The following ANO3 variants were observed in gnomAD, a reference collection of about 807,000 sequenced individuals.
ANO3 encodes the protein anoctamin 3.
A neutral mutation model predicts 144.8 loss-of-function variants in ANO3; 99 were observed. The observed-to-expected ratio is 0.68, with a 90% confidence interval of 0.58 to 0.81. The LOEUF is 0.81. ANO3 is among the 30% of genes least tolerant of loss of function. The pLI is 0.00. For missense variants in ANO3, 905 were observed against 1,202.2 expected (o/e 0.75, Z 3.66); for synonymous variants, 414 against 392.6 (o/e 1.05, Z -0.64).
At chr11:26,445,676 G>A (rs1202304173) in intron 3 of ANO3, among the ~76,000 whole-genome samples, 4 of 151,860 alleles carry the variant, frequency 2.6e-5, no homozygotes, top group Non-Finnish European at 5.9e-5. Flanking sequence ...ATGATGAGGT[G>A]TTTGCCTTTA....
intron 19 of ANO3, 61 bp downstream of exon 19, chr11:26,634,376 G>T: frequency 9.3e-7 from 1 of 1,078,048 alleles, no homozygotes; most frequent in South Asian, 1.4e-5. Context: ...TAGTTTAATT[G>T]ACGATTACTG....
At chr11:26,636,936 C>T (rs778324671) in intron 20 of ANO3, among the ~76,000 whole-genome samples, 2 of 152,118 alleles carry the variant, frequency 1.3e-5, no homozygotes, top group Non-Finnish European at 2.9e-5. Context: ...GCCAGGTTCT[C>T]ACAAGGAGTA....
chr11:26,349,854 T>C (rs1855594276), intron 1 of ANO3, among the ~76,000 whole-genome samples: 1 of 152,090 alleles, frequency 6.6e-6, no homozygotes, highest in Non-Finnish European at 1.5e-5. Context: ...GGCCGAGAAT[T>C]GTTTTAAAGG....
intron 8 of ANO3, 143 bp downstream of exon 8, chr11:26,531,479 A>G (rs1849369884): frequency 1.1e-6 from 1 of 938,734 alleles, no homozygotes; most frequent in Non-Finnish European, 1.5e-6. Context: ...CACTTAACTT[A>G]TAAACAACAC....
chr11:26,569,366 A>G (rs1234578186), intron 14 of ANO3, among the ~76,000 whole-genome samples: 2 of 152,138 alleles, frequency 1.3e-5, no homozygotes, highest in Non-Finnish European at 2.9e-5. Flanking sequence ...TCAGAAATTT[A>G]TACACTACAG....
chr11:26,209,659 C>A (rs953665360), intron 1 of ANO3, among the ~76,000 whole-genome samples: 6 of 152,134 alleles, frequency 3.9e-5, no homozygotes, highest in Admixed American at 2.0e-4. Flanking sequence ...TCTGTTTATT[C>A]CTGACTTTTG....
chr11:26,224,385 T>C (rs1337684992), intron 1 of ANO3, among the ~76,000 whole-genome samples: 1 of 152,236 alleles, frequency 6.6e-6, no homozygotes, highest in Admixed American at 6.5e-5. Context: ...TAGGCAGCTA[T>C]AGCAGGGAAT....
chr11:26,610,366 A>C (rs1456388116), intron 17 of ANO3, among the ~76,000 whole-genome samples: 1 of 144,512 alleles, frequency 6.9e-6, no homozygotes, highest in Non-Finnish European at 1.5e-5. Flanking sequence ...TTTTTTGAGA[A>C]CTGCCTATTA....
At chr11:26,481,605 A>G (rs1860220167) in intron 4 of ANO3, among the ~76,000 whole-genome samples, 2 of 152,240 alleles carry the variant, frequency 1.3e-5, no homozygotes, top group Admixed American at 6.5e-5. Flanking sequence ...ATGTGTTTCA[A>G]GGAGCTTGAT....
intron 1 of ANO3, among the ~76,000 whole-genome samples, chr11:26,225,882 A>G (rs1412153409): frequency 6.6e-6 from 1 of 152,148 alleles, no homozygotes; most frequent in African/African-American, 2.4e-5. Flanking sequence ...ATTTCACACA[A>G]CAGATGGTAG....
At chr11:26,391,722 C>T (rs1265385469) in intron 1 of ANO3, among the ~76,000 whole-genome samples, 1 of 151,960 alleles carries the variant, frequency 6.6e-6, no homozygotes, top group East Asian at 1.9e-4. Flanking sequence ...TCTTTTGGCT[C>T]CTGGCTACTT....
Position 26,537,408 on chromosome 11 carries a change from A to G in ANO3, c.979A>G (p.Ile327Val), listed in dbSNP as rs1221634614. ...KYENGISKVGIRKLINNGSYI... is the reference protein window; with the variant it reads ...KYENGISKVGVRKLINNGSYI... ...CTGTCCTTTTCTTCTCTTTGCAGGT[A>G]TCCGTAAACTTATAAACAATGGCTC... Residue 327 changes from isoleucine (I) to valine (V), a missense_variant and splice_region_variant, in exon 10 of 27, where the codon ATC becomes GTC. Ile to Val is a conservative substitution (Grantham distance 29). Coordinates refer to ENST00000256737, the MANE Select transcript of ANO3 (RefSeq NM_031418.4). 2 of 1,612,592 alleles carry G rather than the reference A, an allele frequency of 1.2e-6. No individual in the cohort carries two copies. The highest frequency in any genetic ancestry group is 1.6e-4 in the Middle Eastern group (1 of 6,062).
intron 1 of ANO3, among the ~76,000 whole-genome samples, chr11:26,438,610 A>AAAAAAAAAAAAAAAAAAAAAAAC (rs1565024969): frequency 1.4e-5 from 1 of 73,848 alleles, no homozygotes; most frequent in African/African-American, 4.8e-5. Flanking sequence ...AAAAAAAAAG[A>AAAAAAAAAAAAAAAAAAAAAAAC]AAAAAAAAAA....
chr11:26,540,735 A>G (rs1264050807), intron 10 of ANO3, among the ~76,000 whole-genome samples: 1 of 152,318 alleles, frequency 6.6e-6, no homozygotes, highest in East Asian at 1.9e-4. Flanking sequence ...GCAAATCAAA[A>G]CCACAATGAG....
At chr11:26,360,739 A>G (rs536686894) in intron 1 of ANO3, among the ~76,000 whole-genome samples, 1 of 152,230 alleles carries the variant, frequency 6.6e-6, no homozygotes, top group Admixed American at 6.5e-5. Context: ...TACTTTGTCA[A>G]TTTTCTTTGT....
At chr11:26,223,499 T>C (rs1047465627) in intron 1 of ANO3, among the ~76,000 whole-genome samples, 2 of 151,806 alleles carry the variant, frequency 1.3e-5, no homozygotes, top group African/African-American at 4.8e-5. Context: ...AAATTCTACC[T>C]GTTACTCAGT....
At chr11:26,207,224 A>C (rs1851814382) in intron 1 of ANO3, among the ~76,000 whole-genome samples, 1 of 152,190 alleles carries the variant, frequency 6.6e-6, no homozygotes, top group Non-Finnish European at 1.5e-5. Context: ...AATAGTAATC[A>C]ATAAAGAAGG....
intron 4 of ANO3, among the ~76,000 whole-genome samples, chr11:26,485,614 T>C (rs1330619304): frequency 2.6e-5 from 4 of 152,196 alleles, no homozygotes; most frequent in African/African-American, 9.7e-5. Flanking sequence ...TGATTAGGGA[T>C]GTTGAGCATT....
intron 17 of ANO3, 34 bp downstream of exon 17, chr11:26,599,748 A>G: frequency 1.3e-6 from 2 of 1,585,592 alleles, no homozygotes; most frequent in East Asian, 2.2e-5. Context: ...TCAGTAGACA[A>G]AAAAGGGGTG....
Sources: gnomAD v4.1 joint callset for allele counts (sites outside exome capture counted in the v4.1 genomes callset) on GRCh38, gnomAD v4.1.1 for gene constraint, MANE v1.5 for transcripts, NCBI Gene and HGNC (gene_info 2026-07-23, HGNC 2026-07-21) for gene names.